Variants in KLC3 observed in about 807,000 individuals in gnomAD.
KLC3 encodes kinesin light chain 2.
A neutral mutation model predicts 62.9 loss-of-function variants in KLC3; 72 were observed. That is an observed-to-expected ratio of 1.15 (90% CI 0.95 to 1.39). The LOEUF is 1.39. Among genes scored for constraint, KLC3 ranks in the 40% most tolerant of loss-of-function variants. KLC3 has a pLI of 0.00. For missense variants in KLC3, 848 were observed against 691.6 expected, an observed-to-expected ratio of 1.23 and a Z score of -2.54; for synonymous variants, 377 against 300.5, an observed-to-expected ratio of 1.25 and a Z score of -2.63.
chr19:45,345,869 G>A, intron 2 of KLC3, 70 bp downstream of exon 2: 1 of 1,446,518 alleles, frequency 6.9e-7, no homozygotes. Context: ...GGCATGAGGG[G>A]GACAGGTATG....
intron 2 of KLC3, among the ~76,000 whole-genome samples, 162 bp from the exon 3 acceptor site, chr19:45,346,382 G>A (rs1971490624): frequency 6.6e-6 from 1 of 152,180 alleles, no homozygotes; most frequent in Non-Finnish European, 1.5e-5. Context: ...GCCCCTGGGA[G>A]CCTCTGAGGG....
At chr19:45,348,593 C>A (rs1971569445) in intron 5 of KLC3, 53 bp from the exon 6 acceptor site, 1 of 1,520,128 alleles carries the variant, frequency 6.6e-7, no homozygotes, top group African/African-American at 1.4e-5. Context: ...CCTGTGGCTG[C>A]AGCTGCCCCA....
At chr19:45,350,218 TCAAGACCAGCCTGGGCAACATAC>T in intron 8 of KLC3, 100 bp from the exon 9 acceptor site, 1 of 719,994 alleles carries the variant, frequency 1.4e-6, no homozygotes, top group African/African-American at 1.8e-5. Flanking sequence ...GGCTAGGAGT[TCAAGACCAGCCTGGGCAACATAC>T]CAAGACCCCT....
chr19:45,341,578 T>TGTGTGCGCGCGCGCGCGCGCGCGC, intron 1 of KLC3, among the ~76,000 whole-genome samples: 1 of 139,800 alleles, frequency 7.2e-6, no homozygotes, highest in Non-Finnish European at 1.6e-5. Flanking sequence ...TGTGTGTGTG[T>TGTGTGCGCGCGCGCGCGCGCGCGC]GCGCGCGCGC....
intron 4 of KLC3, 146 bp downstream of exon 4, chr19:45,347,662 G>A (rs1216769435): frequency 2.0e-5 from 15 of 764,234 alleles, no homozygotes; most frequent in Non-Finnish European, 3.2e-5. Context: ...GTGCAGGTGA[G>A]GCTGGGAGCC....
chr19:45,350,909 C>T, intron 11 of KLC3, 45 bp from the exon 12 acceptor site: 1 of 1,583,412 alleles, frequency 6.3e-7, no homozygotes, highest in Non-Finnish European at 8.6e-7. Flanking sequence ...TGGAGGGGGG[C>T]CACTCCTGGA....
rs1216211474 is a variant in KLC3 at position 45,347,007 on chromosome 19, C to T, written c.489+233C>T. On this transcript the variant is annotated intron_variant, in intron 3 of 12. Coordinates refer to ENST00000391946, the MANE Select transcript of KLC3 (RefSeq NM_177417.3). ...CACGAAGCCCCCGAGCCTCGCCAGACCCCCAGGGGGCCTCTGACGCTCGTG... is the reference window on the plus strand; with the variant it reads ...CACGAAGCCCCCGAGCCTCGCCAGATCCCCAGGGGGCCTCTGACGCTCGTG... 17 of 512,064 alleles carry T rather than the reference C, an allele frequency of 3.3e-5. 1 individual carries two copies. The East Asian group carries it at 4.6e-4, about 14-fold the overall frequency. The allele number at this position is 512,064 out of a possible 1,614,324, so 31.7% of individuals were successfully genotyped here. A position where few individuals can be genotyped will look rare whatever the true frequency, so the allele number is the denominator to read the frequency against.
chr19:45,348,236 G>T, intron 5 of KLC3, 76 bp downstream of exon 5: 1 of 1,337,950 alleles, frequency 7.5e-7, no homozygotes. Flanking sequence ...GGATCCTGGT[G>T]CCCCCTCTGT....
chr19:45,348,161 G>C lies in KLC3; in HGVS notation c.779+1G>C, dbSNP rs1420543372. ...TCAACATCCTGGCGCTGGTGTACCG[G>C]TGAGCACTGCGGCCAGCCATGGCTG... On this transcript the variant is annotated splice_donor_variant, in intron 5 of 12. Coordinates refer to ENST00000391946, the MANE Select transcript of KLC3 (RefSeq NM_177417.3). LOFTEE classifies it high-confidence loss of function. 3 of 1,577,898 alleles carry C rather than the reference G, an allele frequency of 1.9e-6. No homozygotes were observed. The highest frequency in any genetic ancestry group is 1.1e-5 in the South Asian group (1 of 87,384).
At position 45,349,696 on chromosome 19, in the gene KLC3, T is replaced by G. The variant is rs867990420; in HGVS notation, c.1143+94T>G. The G allele has an allele frequency of 5.7e-4, 393 of 693,162 alleles. 2 individuals carry two copies. The highest frequency in any genetic ancestry group is 1.9e-3 in the South Asian group (59 of 31,518). 42.9% of individuals were successfully genotyped at this position (693,162 alleles called of 1,614,324 possible). On this transcript the variant is annotated intron_variant, in intron 8 of 12. Transcript: ENST00000391946. ...GGATACAGGGTGAGCAACGTGAGGG[T>G]GGGGGGGGGCCCCCCAGGCCGGGCC... is the stretch of plus-strand genomic sequence containing the variant.
In KLC3 at chr19:45,347,973, C is replaced by T. The variant is rs1568523715; in HGVS notation, c.592C>T (p.Gln198Ter). ...PEAAGAAAAQ[Q>*]GGYEIPARLR... ...GGCCGCAGGAGCAGCAGCTGCTCAGCAGGGTGGCTATGAGATCCCTGCCCG... is the reference window on the plus strand; with the variant it reads ...GGCCGCAGGAGCAGCAGCTGCTCAGTAGGGTGGCTATGAGATCCCTGCCCG... Residue 198 changes from glutamine to a stop codon, truncating the protein, a stop_gained, in exon 5 of 13, where the codon CAG becomes TAG. Transcript: ENST00000391946. LOFTEE classifies it high-confidence loss of function. The T allele has an allele frequency of 6.2e-7, 1 of 1,609,124 alleles. No individual in the cohort carries two copies.
At position 45,350,716 on chromosome 19, in the gene KLC3, C is replaced by T; in HGVS notation, c.1348C>T (p.Leu450Phe). Residue 450 changes from leucine (L) to phenylalanine (F), a missense_variant, in exon 11 of 13, where the codon CTC (leucine) becomes TTC (phenylalanine). Physicochemically the swap from Leu to Phe is conservative, Grantham distance 22 (BLOSUM62 0). Coordinates refer to ENST00000391946, the MANE Select transcript of KLC3 (RefSeq NM_177417.3). ...RRGSEKLVSR[L>F]RGEAAAGAAG... ...AGGAAGTGAGAAGCTGGTCTCCCGG[C>T]TCCGAGGCGAGGCGGCGGCAGGAGC... 1 of 1,613,402 alleles carries T rather than the reference C, an allele frequency of 6.2e-7. No homozygotes were observed. The highest frequency in any genetic ancestry group is 8.5e-7 in the Non-Finnish European group (1 of 1,179,798).
rs1170143981 is a variant in KLC3, at chr19:45,348,699, T to C, written c.833T>C (p.Ile278Thr). The change falls in exon 6 of 13, where the codon ATC becomes ACC. Residue 278 changes from isoleucine to threonine, a missense_variant. By Grantham distance (89) the Ile-to-Thr change is moderately conservative. Coordinates refer to ENST00000391946, the MANE Select transcript of KLC3 (RefSeq NM_177417.3). The part of the protein sequence containing the change: ...ATDLLHDALQ[I>T]REQTLGPEHP... Reference sequence around the variant, plus strand: ...GACCTTCTCCATGATGCCCTGCAGATCCGGGAGCAGACGCTGGGCCCTGAG... The same window carrying C: ...GACCTTCTCCATGATGCCCTGCAGACCCGGGAGCAGACGCTGGGCCCTGAG... The C allele has an allele frequency of 1.3e-5, 20 of 1,596,900 alleles. No individual in the cohort carries two copies. Among genetic ancestry groups the C allele is most frequent in the Non-Finnish European group, 1.5e-5 (18 of 1,172,128 alleles).
At position 45,350,676 on chromosome 19, in the gene KLC3, T is replaced by TTGGA. The variant is rs1568527813; in HGVS notation, c.1308_1309insTGGA (p.Glu437TrpfsTer9). On this transcript the variant is annotated frameshift_variant, in exon 11 of 13. Transcript: ENST00000391946. LOFTEE classifies it high-confidence loss of function. ...GCAGCAGCTCACTCTCCAAGATCCG[T>TTGGA]GAGTCTATCAGGCGAGGAAGTGAGA... is the stretch of plus-strand genomic sequence containing the variant. The TTGGA allele has an allele frequency of 3.7e-6, 6 of 1,613,596 alleles. No individual in the cohort carries two copies. In the Admixed American group the frequency reaches 6.7e-5, roughly 18 times the overall value.
In KLC3 at chr19:45,346,630, G is replaced by A. The variant is rs1463893315; in HGVS notation, c.345G>A (p.Glu115=). 8 of 1,553,234 alleles carry A rather than the reference G, an allele frequency of 5.2e-6. No individual in the cohort carries two copies. The African/African-American group carries it at 8.2e-5, about 16-fold the overall frequency. The part of the protein sequence containing the change: ...LRSQARRLAQ[E]NVWLREELEE... ...CGCAGGCCCGGCGGCTGGCCCAGGA[G>A]AACGTGTGGCTGCGGGAGGAACTGG... is the stretch of plus-strand genomic sequence containing the variant. Residue 115 remains glutamate, a synonymous_variant, in exon 3 of 13, where the codon GAG becomes GAA. Coordinates refer to ENST00000391946, the MANE Select transcript of KLC3 (RefSeq NM_177417.3).
intron 1 of KLC3, among the ~76,000 whole-genome samples, chr19:45,341,774 TGC>T (rs1200262668): frequency 2.0e-3 from 128 of 62,896 alleles, no homozygotes; most frequent in African/African-American, 5.8e-3. Flanking sequence ...AAGCCGTGTG[TGC>T]GTGTGTGTGT....
At chr19:45,350,314 A>C (rs748311375) in intron 8 of KLC3, 27 bp from the exon 9 acceptor site, 1 of 1,603,194 alleles carries the variant, frequency 6.2e-7, no homozygotes, top group Non-Finnish European at 8.5e-7. Flanking sequence ...GGGTCCGAAA[A>C]GTTCCCAGAC....
intron 1 of KLC3, chr19:45,345,217 G>C (rs908838412): frequency 1.5e-5 from 8 of 516,658 alleles, no homozygotes; most frequent in Admixed American, 1.1e-4. Flanking sequence ...GGGCAGATGG[G>C]GGACCCCAGG....
chr19:45,341,579 G>GCA (rs1555772514), intron 1 of KLC3, among the ~76,000 whole-genome samples: 1 of 87,018 alleles, frequency 1.1e-5, no homozygotes, highest in Admixed American at 1.0e-4. Flanking sequence ...GTGTGTGTGT[G>GCA]CGCGCGCGCG....
Sources: gnomAD v4.1 joint callset for allele counts (sites outside exome capture counted in the v4.1 genomes callset) on GRCh38, gnomAD v4.1.1 for gene constraint, MANE v1.5 for transcripts, NCBI Gene and HGNC (gene_info 2026-07-23, HGNC 2026-07-21) for gene names.